The following ARID5A variants were observed in gnomAD, a reference collection of about 807,000 sequenced individuals.
ARID5A encodes the protein AT-rich interactive domain-containing protein 5A.
A neutral mutation model predicts 30.5 loss-of-function variants in ARID5A; 14 were observed. The observed-to-expected ratio is 0.46, with a 90% CI of 0.30 to 0.72. The LOEUF (loss-of-function observed/expected upper bound fraction) is 0.72, where lower values mean the gene tolerates loss of function less well. Ranked by LOEUF, ARID5A falls within the 30% of genes least tolerant of loss-of-function variation. ARID5A has a pLI of 0.07. For missense variants in ARID5A, 669 were observed against 786.2 expected (o/e 0.85, Z 1.78); for synonymous variants, 338 against 340.4 (o/e 0.99, Z 0.08).
rs987726015 is a variant in ARID5A, at chr2:96,545,605, G to A, written c.5-1797G>A. On this transcript the variant is annotated intron_variant, in intron 1 of 6. Coordinates refer to ENST00000357485, the MANE Select transcript of ARID5A (RefSeq NM_212481.3). ...GGACATCAGTTTTGAAAGTTTTGCTGTGGATAAAATGCTGTCAAAAATAGC... is the reference window on the plus strand; with the variant it reads ...GGACATCAGTTTTGAAAGTTTTGCTATGGATAAAATGCTGTCAAAAATAGC... Among the ~76,000 whole-genome samples, 8 of 152,170 alleles carry A rather than the reference G, an allele frequency of 5.3e-5. 1 individual carries two copies. The highest frequency in any genetic ancestry group is 1.7e-4 in the African/African-American group (7 of 41,444).
At position 96,552,076 on chromosome 2, in the gene ARID5A, C is replaced by A; in HGVS notation, c.1548C>A (p.Gly516=). 6.3e-7 allele frequency: 1 copy of A among 1,589,764 alleles called. No individual in the cohort carries two copies. The highest frequency in any genetic ancestry group is 8.6e-7 in the Non-Finnish European group (1 of 1,167,592). ...CGCTGAACTTCACTGGCACCCCGGG[C>A]CCCTTGAAGGGCCAGGCTGCACTCC... The part of the protein sequence containing the change: ...HCPLNFTGTP[G]PLKGQAALPF... Residue 516 remains glycine (G), a synonymous_variant, in exon 7 of 7, where the codon GGC becomes GGA. Transcript: ENST00000357485.
intron 1 of ARID5A, among the ~76,000 whole-genome samples, chr2:96,542,851 T>C (rs1295668875): frequency 6.6e-6 from 1 of 152,006 alleles, no homozygotes; most frequent in African/African-American, 2.4e-5. Context: ...GAGCTGAGGG[T>C]AGCAGGCAGT....
At position 96,539,317 on chromosome 2, in the gene ARID5A, C is replaced by T. The variant is rs547859543; in HGVS notation, c.4+2487C>T. The stretch of plus-strand genomic sequence containing the variant: ...CTCTTGGCCCACTTTCATCTGCTTC[C>T]AGCTTGATGTCTGGCAGGGCAGGGG... On this transcript the variant is annotated intron_variant, in intron 1 of 6. Transcript: ENST00000357485. The surrounding 1 kb of genome is among the most constrained non-coding windows in gnomAD (Gnocchi z 4.7). Among the ~76,000 whole-genome samples the T allele has an allele frequency of 4.6e-5, 7 of 152,352 alleles. No homozygotes were observed. The East Asian group carries it at 1.3e-3, about 29-fold the overall frequency.
chr2:96,541,451 A>C (rs1193421205), intron 1 of ARID5A, among the ~76,000 whole-genome samples: 1 of 152,260 alleles, frequency 6.6e-6, no homozygotes, highest in Non-Finnish European at 1.5e-5. Flanking sequence ...CAGTGTGCAC[A>C]GGTCCTAGCA....
At chr2:96,548,321 A>G (rs1303470200) in intron 2 of ARID5A, among the ~76,000 whole-genome samples, 1 of 152,162 alleles carries the variant, frequency 6.6e-6, no homozygotes, top group African/African-American at 2.4e-5. Context: ...GCTGGAGTGC[A>G]GTGGCACAAT....
rs2065996571 is a variant in ARID5A, at chr2:96,549,919, G to GTCCCTGCC, written c.312+124_312+131dup. The GTCCCTGCC allele has an allele frequency of 7.2e-6, 11 of 1,533,836 alleles. No homozygotes were observed. The highest frequency in any genetic ancestry group is 1.9e-4 in the Middle Eastern group (1 of 5,286). ...CCAGGATCCCCAGTCCTACCCCTGC[G>GTCCCTGCC]TCCCTGCCTCCCTGCCTTCCCCGCT... On this transcript the variant is annotated intron_variant, in intron 4 of 6. Transcript: ENST00000357485. This position sits in a 1 kb window ranked among gnomAD's most constrained non-coding sequence, Gnocchi z 6.1.
chr2:96,552,156 G>C lies in ARID5A; in HGVS notation c.1628G>C (p.Gly543Ala). The change falls in exon 7 of 7, where the codon GGC becomes GCC. Residue 543 changes from glycine to alanine, a missense_variant. Coordinates refer to ENST00000357485, the MANE Select transcript of ARID5A (RefSeq NM_212481.3). ...AFPAHFLATA[G>A]PSPMAAGLMH... ...CCGGCCCACTTCCTGGCCACCGCAG[G>C]CCCCTCGCCCATGGCCGCTGGCCTG... is the stretch of plus-strand genomic sequence containing the variant. The C allele has an allele frequency of 6.2e-7, 1 of 1,613,040 alleles. No individual in the cohort carries two copies. Among genetic ancestry groups the C allele is most frequent in the Non-Finnish European group, 8.5e-7 (1 of 1,179,964 alleles).
At chr2:96,543,846 G>A (rs971605505) in intron 1 of ARID5A, among the ~76,000 whole-genome samples, 2 of 152,220 alleles carry the variant, frequency 1.3e-5, no homozygotes, top group African/African-American at 2.4e-5. Context: ...AAGGCAGGTC[G>A]AAAGCCCAGA....
Position 96,551,091 on chromosome 2 carries a change from C to A in ARID5A, c.571-8C>A. The A allele has an allele frequency of 6.2e-7, 1 of 1,603,282 alleles. No homozygotes were observed. Among genetic ancestry groups the A allele is most frequent in the South Asian group, 1.1e-5 (1 of 90,136 alleles). On this transcript the variant is annotated splice_region_variant and splice_polypyrimidine_tract_variant and intron_variant, in intron 6 of 6. Transcript: ENST00000357485. ...GCAGTCCTGAGGCAAGACTTTCTCT[C>A]ATTCCAGATGATGCCAGGAAAGACC...
intron 1 of ARID5A, among the ~76,000 whole-genome samples, chr2:96,546,241 T>C (rs532262142): frequency 6.6e-6 from 1 of 152,332 alleles, no homozygotes; most frequent in African/African-American, 2.4e-5. Flanking sequence ...CATAGGTTCC[T>C]AACAATAAGG....
In ARID5A at chr2:96,550,517, G is replaced by A; in HGVS notation, c.411-57G>A. On this transcript the variant is annotated intron_variant, in intron 5 of 6. Transcript: ENST00000357485. This position sits in a 1 kb window ranked among gnomAD's most constrained non-coding sequence, Gnocchi z 6.6. Reference sequence around the variant, plus strand: ...AAGGGGGCTCAGAGGAGGCTACAGAGGCCCAGGGAGGGGATGGGCGCCGGC... The same window carrying A: ...AAGGGGGCTCAGAGGAGGCTACAGAAGCCCAGGGAGGGGATGGGCGCCGGC... 1 of 1,534,214 alleles carries A rather than the reference G, an allele frequency of 6.5e-7. No homozygotes were observed. Among genetic ancestry groups the A allele is most frequent in the Non-Finnish European group, 8.8e-7 (1 of 1,138,356 alleles).
At position 96,537,885 on chromosome 2, in the gene ARID5A, G is replaced by C; in HGVS notation, c.4+1055G>C. The stretch of plus-strand genomic sequence containing the variant: ...GTGTCCCTTTGTTTGCAGAGTCTTG[G>C]GCCAGTAAGGAGTGCTCCGCGGGCC... On this transcript the variant is annotated intron_variant, in intron 1 of 6. Transcript: ENST00000357485. The surrounding 1 kb of genome is among the most constrained non-coding windows in gnomAD (Gnocchi z 4.8). 1.0e-6 allele frequency: 1 copy of C among 985,548 alleles called. No homozygotes were observed. 61.1% of individuals were successfully genotyped at this position (985,548 alleles called of 1,614,324 possible). A position where few individuals can be genotyped will look rare whatever the true frequency, so the allele number is the denominator to read the frequency against.
Position 96,549,527 on chromosome 2 carries a change from C to A in ARID5A, c.259+68C>A. Reference sequence around the variant, plus strand: ...GACCCCGCCCAGGCAGGGCATCGGGCAGGCACTCCCACTCTGGGTGACCCA... The same window carrying A: ...GACCCCGCCCAGGCAGGGCATCGGGAAGGCACTCCCACTCTGGGTGACCCA... On this transcript the variant is annotated intron_variant, in intron 3 of 6. Coordinates refer to ENST00000357485, the MANE Select transcript of ARID5A (RefSeq NM_212481.3). This position sits in a 1 kb window ranked among gnomAD's most constrained non-coding sequence, Gnocchi z 6.1. The A allele has an allele frequency of 6.3e-7, 1 of 1,578,734 alleles. No individual in the cohort carries two copies. Among genetic ancestry groups the A allele is most frequent in the Non-Finnish European group, 8.6e-7 (1 of 1,157,668 alleles).
Position 96,551,276 on chromosome 2 carries a change from G to A in ARID5A, c.748G>A (p.Gly250Arg). 3.1e-6 allele frequency: 5 copies of A among 1,613,944 alleles called. No homozygotes were observed. The highest frequency in any genetic ancestry group is 1.1e-5 in the South Asian group (1 of 91,082). The change falls in exon 7 of 7, where the codon GGG becomes AGG. Residue 250 changes from glycine to arginine, a missense_variant. This residue lies in a region of ARID5A where 548 missense variants were observed against 577.4 expected (regional missense o/e 0.95). Transcript: ENST00000357485. ...GCTCCTATCCAGCTTCTACTGCAAGGGGACACACGGCATCATGTCACCACT... is the reference window on the plus strand; with the variant it reads ...GCTCCTATCCAGCTTCTACTGCAAGAGGACACACGGCATCATGTCACCACT... ...KRLLSSFYCK[G>R]THGIMSPLAK...
In ARID5A at chr2:96,551,124, A is replaced by G; in HGVS notation, c.596A>G (p.Asp199Gly). Residue 199 changes from aspartate to glycine, a missense_variant, in exon 7 of 7, where the codon GAT (aspartate) becomes GGT (glycine). Coordinates refer to ENST00000357485, the MANE Select transcript of ARID5A (RefSeq NM_212481.3). ...DQMMPGKTKA[D>G]AADPAPLPSQ... ...ATGATGCCAGGAAAGACCAAAGCAGATGCTGCTGACCCAGCACCACTTCCC... is the reference window on the plus strand; with the variant it reads ...ATGATGCCAGGAAAGACCAAAGCAGGTGCTGCTGACCCAGCACCACTTCCC... 2 of 1,612,720 alleles carry G rather than the reference A, an allele frequency of 1.2e-6. No homozygotes were observed. Among genetic ancestry groups the G allele is most frequent in the Non-Finnish European group, 1.7e-6 (2 of 1,179,466 alleles).
rs963098233 is a variant in ARID5A, at chr2:96,537,948, GCTC to G, written c.4+1122_4+1124del. ...AACAGGTGCCTCTTGCCCCACCCGG[GCTC>G]CTCTGGTGGGAGCCCACACGCACGG... On this transcript the variant is annotated intron_variant, in intron 1 of 6. Coordinates refer to ENST00000357485, the MANE Select transcript of ARID5A (RefSeq NM_212481.3). This position sits in a 1 kb window ranked among gnomAD's most constrained non-coding sequence, Gnocchi z 4.8. 8 of 985,470 alleles carry G rather than the reference GCTC, an allele frequency of 8.1e-6. No homozygotes were observed. In the African/African-American group the frequency reaches 1.4e-4, roughly 17 times the overall value. The allele number at this position is 985,470 out of a possible 1,614,324, so 61.0% of individuals were successfully genotyped here.
In ARID5A at chr2:96,552,049, C is replaced by T; in HGVS notation, c.1521C>T (p.Cys507=). 6.4e-7 allele frequency: 1 copy of T among 1,568,602 alleles called. No individual in the cohort carries two copies. Among genetic ancestry groups the T allele is most frequent in the African/African-American group, 1.4e-5 (1 of 73,980 alleles). Residue 507 remains cysteine, a synonymous_variant, in exon 7 of 7, where the codon TGC becomes TGT. Coordinates refer to ENST00000357485, the MANE Select transcript of ARID5A (RefSeq NM_212481.3). ...PEAYRGTMLH[C]PLNFTGTPGP... is the part of the protein sequence containing the mutation. ...CCTACAGGGGCACCATGCTGCACTG[C>T]CCGCTGAACTTCACTGGCACCCCGG... is the stretch of plus-strand genomic sequence containing the variant.
In ARID5A at chr2:96,549,647, G is replaced by A; in HGVS notation, c.260-106G>A. On this transcript the variant is annotated intron_variant, in intron 3 of 6. Transcript: ENST00000357485. This position sits in a 1 kb window ranked among gnomAD's most constrained non-coding sequence, Gnocchi z 6.1. ...CCGTCTATTGCAGTGGCCCTGGCTG[G>A]GTGTGTGCTGGTCTGTGCCTGGCCT... The A allele has an allele frequency of 6.4e-7, 1 of 1,554,172 alleles. No homozygotes were observed. The highest frequency in any genetic ancestry group is 1.1e-5 in the South Asian group (1 of 89,252).
In ARID5A at chr2:96,552,076, C is replaced by T; in HGVS notation, c.1548C>T (p.Gly516=). The change falls in exon 7 of 7, where the codon GGC becomes GGT. Residue 516 remains glycine (G), a synonymous_variant. Transcript: ENST00000357485. ...CGCTGAACTTCACTGGCACCCCGGG[C>T]CCCTTGAAGGGCCAGGCTGCACTCC... ...HCPLNFTGTP[G]PLKGQAALPF... 1.5e-5 allele frequency: 24 copies of T among 1,589,766 alleles called. No individual in the cohort carries two copies. The highest frequency in any genetic ancestry group is 2.0e-5 in the Non-Finnish European group (23 of 1,167,592).
Sources: allele counts gnomAD v4.1 joint callset (sites outside exome capture counted in the v4.1 genomes callset), GRCh38; gene constraint gnomAD v4.1.1; regional missense constraint gnomAD v4.1.1; non-coding constraint Gnocchi (gnomAD v3.1); transcripts MANE v1.5; gene names NCBI Gene and HGNC (gene_info 2026-07-23, HGNC 2026-07-21).